The following HIBADH variants were observed in gnomAD, a reference collection of about 807,000 sequenced individuals.
HIBADH encodes the protein 3-hydroxyisobutyrate dehydrogenase, also known as 3-hydroxyisobutyrate dehydrogenase, mitochondrial.
Under a neutral mutation model 36.1 loss-of-function variants are expected in HIBADH, and 25 were observed. The ratio of observed to expected loss-of-function variants is 0.69; its 90% CI spans 0.50 to 0.97. The LOEUF (loss-of-function observed/expected upper bound fraction) is 0.97, where lower values mean the gene tolerates loss of function less well. Ranked by LOEUF, HIBADH falls within the 50% of genes least tolerant of loss-of-function variation. HIBADH has a pLI of 0.00. For missense variants in HIBADH, 421 were observed against 418.0 expected (o/e 1.01, Z -0.06); for synonymous variants, 160 against 149.5 (o/e 1.07, Z -0.51).
chr7:27,600,316 C>G (rs1419153390), intron 4 of HIBADH, among the ~76,000 whole-genome samples: 1 of 151,630 alleles, frequency 6.6e-6, no homozygotes, highest in African/African-American at 2.4e-5. Flanking sequence ...TATCATAAGG[C>G]ATTTTGGTTT....
intron 7 of HIBADH, among the ~76,000 whole-genome samples, chr7:27,527,314 A>G (rs184976506): frequency 6.6e-6 from 1 of 152,224 alleles, no homozygotes; most frequent in East Asian, 1.9e-4. Flanking sequence ...TAGAAAGCTC[A>G]CTCTTGCTTT....
intron 4 of HIBADH, among the ~76,000 whole-genome samples, chr7:27,581,685 G>A (rs980492901): frequency 2.0e-5 from 3 of 151,726 alleles, no homozygotes; most frequent in African/African-American, 2.4e-5. Context: ...TATACTTATC[G>A]CTTTTTCTAG....
intron 4 of HIBADH, among the ~76,000 whole-genome samples, chr7:27,595,024 C>T (rs937625895): frequency 2.0e-5 from 3 of 152,026 alleles, no homozygotes; most frequent in Admixed American, 2.0e-4. Context: ...TTTAATTTTA[C>T]AAACTTAGTG....
chr7:27,632,666 A>G (rs1562652518), intron 2 of HIBADH, among the ~76,000 whole-genome samples: 1 of 152,028 alleles, frequency 6.6e-6, no homozygotes, highest in Non-Finnish European at 1.5e-5. Flanking sequence ...AATCAAATCT[A>G]TCGTTTATTT....
At chr7:27,630,794 T>A (rs1042958046) in intron 3 of HIBADH, among the ~76,000 whole-genome samples, 2 of 152,144 alleles carry the variant, frequency 1.3e-5, no homozygotes, top group African/African-American at 4.8e-5. Context: ...ATTTTAGACA[T>A]ATGAATTGTT....
At chr7:27,593,239 T>G (rs1784974275) in intron 4 of HIBADH, among the ~76,000 whole-genome samples, 1 of 152,196 alleles carries the variant, frequency 6.6e-6, no homozygotes, top group East Asian at 1.9e-4. Context: ...GATTTAGATT[T>G]TAAAGCATTT....
chr7:27,540,184 T>TG (rs1784127813), intron 5 of HIBADH, among the ~76,000 whole-genome samples: 1 of 152,194 alleles, frequency 6.6e-6, no homozygotes, highest in Non-Finnish European at 1.5e-5. Context: ...ATTTTCAGTG[T>TG]CTGTATCAGA....
chr7:27,538,306 A>C (rs1784095522), intron 6 of HIBADH, 35 bp downstream of exon 6: 2 of 1,492,342 alleles, frequency 1.3e-6, no homozygotes, highest in South Asian at 2.3e-5. Flanking sequence ...AAAGCCTATA[A>C]AAATGTTAGT....
In HIBADH at chr7:27,662,839, CCA is replaced by C; in HGVS notation, c.-53_-52del. The stretch of plus-strand genomic sequence containing the variant: ...TGACCTCCGCCGCCTCCCGGAGGGC[CCA>C]CAGACTGCGAGCGTGTGCAGCGGGA... On this transcript the variant is annotated 5_prime_UTR_variant, in exon 1 of 8. Coordinates refer to ENST00000265395, the MANE Select transcript of HIBADH (RefSeq NM_152740.4). 8 of 1,359,912 alleles carry C rather than the reference CCA, an allele frequency of 5.9e-6. No individual in the cohort carries two copies. The highest frequency in any genetic ancestry group is 7.8e-6 in the Non-Finnish European group (8 of 1,023,214). The allele number at this position is 1,359,912 out of a possible 1,614,324, so 84.2% of individuals were successfully genotyped here.
At chr7:27,538,634 A>G (rs1276074169) in intron 5 of HIBADH, among the ~76,000 whole-genome samples, 1 of 152,112 alleles carries the variant, frequency 6.6e-6, no homozygotes, top group East Asian at 1.9e-4. Flanking sequence ...ACTAGGTAAT[A>G]AATTTGCCTA....
At chr7:27,592,344 T>C (rs1784951271) in intron 4 of HIBADH, among the ~76,000 whole-genome samples, 1 of 152,198 alleles carries the variant, frequency 6.6e-6, no homozygotes, top group African/African-American at 2.4e-5. Flanking sequence ...ACTCAAATGT[T>C]TGCTGGATGA....
chr7:27,528,214 C>T (rs1451562169), intron 7 of HIBADH, among the ~76,000 whole-genome samples: 3 of 152,078 alleles, frequency 2.0e-5, no homozygotes, highest in Admixed American at 2.0e-4. Context: ...CCTCAGGCCT[C>T]CCTATTCCCT....
intron 2 of HIBADH, among the ~76,000 whole-genome samples, chr7:27,638,308 C>CAAATAAAA: frequency 1.8e-5 from 1 of 55,472 alleles, no homozygotes; most frequent in East Asian, 6.1e-4. Flanking sequence ...TTGGCAAAGT[C>CAAATAAAA]AAAAAAAAAA....
Position 27,543,074 on chromosome 7 carries a change from G to C in HIBADH, c.511C>G (p.Leu171Val), listed in dbSNP as rs781724865. ...GGVGAARSGN[L>V]TFMVGGVEDE... ...TCAACTCCTCCCACCATAAACGTGAGGTTCCCAGATCGTGCAGCTCCTACA... is the reference window on the plus strand; with the variant it reads ...TCAACTCCTCCCACCATAAACGTGACGTTCCCAGATCGTGCAGCTCCTACA... Residue 171 changes from leucine (L) to valine (V), a missense_variant, in exon 5 of 8, where the codon CTC becomes GTC. Coordinates refer to ENST00000265395, the MANE Select transcript of HIBADH (RefSeq NM_152740.4). 1.2e-6 allele frequency: 2 copies of C among 1,613,710 alleles called. No homozygotes were observed. Among genetic ancestry groups the C allele is most frequent in the South Asian group, 1.1e-5 (1 of 91,062 alleles).
chr7:27,532,824 T>G (rs1784021827), intron 6 of HIBADH, among the ~76,000 whole-genome samples: 1 of 152,242 alleles, frequency 6.6e-6, no homozygotes, highest in African/African-American at 2.4e-5. Context: ...CTACTGATGC[T>G]TGCTTTCTCC....
rs1785073459 is a variant in HIBADH, at chr7:27,598,810, C to T, written c.484+30561G>A. Among the ~76,000 whole-genome samples the T allele has an allele frequency of 3.9e-5, 6 of 152,128 alleles. No homozygotes were observed. In the South Asian group the frequency reaches 1.2e-3, roughly 32 times the overall value. On this transcript the variant is annotated intron_variant, in intron 4 of 7. Transcript: ENST00000265395. ...CTTCAATACTATCTTTTCCCCTCTT[C>T]CTCACCATAAAAACTACCCAACCCT...
intron 4 of HIBADH, among the ~76,000 whole-genome samples, chr7:27,590,029 A>G (rs1784917901): frequency 6.6e-6 from 1 of 152,196 alleles, no homozygotes; most frequent in Non-Finnish European, 1.5e-5. Flanking sequence ...GAACATTCTG[A>G]TAAAGTCAGC....
chr7:27,530,041 C>T (rs1475126901), intron 7 of HIBADH, among the ~76,000 whole-genome samples: 1 of 152,140 alleles, frequency 6.6e-6, no homozygotes, highest in African/African-American at 2.4e-5. Context: ...ATTGTTTAGA[C>T]ATAATGCTAA....
At chr7:27,538,889 C>T (rs1784107332) in intron 5 of HIBADH, among the ~76,000 whole-genome samples, 1 of 151,956 alleles carries the variant, frequency 6.6e-6, no homozygotes, top group Non-Finnish European at 1.5e-5. Flanking sequence ...GAGGCCAAGG[C>T]AGGATTTAAA....
Sources: gnomAD v4.1 joint callset for allele counts (sites outside exome capture counted in the v4.1 genomes callset) on GRCh38, gnomAD v4.1.1 for gene constraint, MANE v1.5 for transcripts, NCBI Gene and HGNC (gene_info 2026-07-23, HGNC 2026-07-21) for gene names.